DEPTOR: variants seen among roughly 807,000 people sequenced by gnomAD.
The protein encoded by DEPTOR is DEP domain containing MTOR interacting protein.
DEPTOR carries 41 observed loss-of-function variants against 41.6 expected under a neutral mutation model. The observed-to-expected ratio is 0.98, with a 90% CI of 0.77 to 1.28. The LOEUF is 1.28. DEPTOR is among the 50% of genes most tolerant of loss of function. The probability of loss-of-function intolerance (pLI) is 0.00; values close to 1 mark genes in which losing one functional copy is unlikely to be tolerated. For synonymous variants in DEPTOR, 195 were observed against 192.3 expected, an observed-to-expected ratio of 1.01 and a Z score of -0.12; for missense variants, 514 against 527.9, an observed-to-expected ratio of 0.97 and a Z score of 0.26.
intron 4 of DEPTOR, among the ~76,000 whole-genome samples, chr8:119,987,621 C>T (rs56337004): frequency 2.2e-3 from 341 of 152,262 alleles, no homozygotes; most frequent in African/African-American, 7.8e-3. Flanking sequence ...TCTGCTGAAG[C>T]GGCGCCAACA....
intron 1 of DEPTOR, among the ~76,000 whole-genome samples, chr8:119,912,840 T>C (rs546228795): frequency 6.6e-6 from 1 of 152,216 alleles, no homozygotes; most frequent in Non-Finnish European, 1.5e-5. Context: ...TTTGATCTTG[T>C]GTGTGAGGAT....
intron 8 of DEPTOR, among the ~76,000 whole-genome samples, chr8:120,035,074 T>C (rs1208246707): frequency 6.6e-6 from 1 of 152,056 alleles, no homozygotes; most frequent in East Asian, 1.9e-4. Context: ...TTCTAGCACT[T>C]TGGGAGGCCG....
At position 120,002,230 on chromosome 8, in the gene DEPTOR, C is replaced by T. The variant is rs111886633; in HGVS notation, c.790+520C>T. On this transcript the variant is annotated intron_variant, in intron 5 of 8. Coordinates refer to ENST00000286234, the MANE Select transcript of DEPTOR (RefSeq NM_022783.4). The stretch of plus-strand genomic sequence containing the variant: ...TCTTGGCTCACCACAACTTCTGTCT[C>T]CCGGGTTCAAGAGACTCTCCTGCCT... Among the ~76,000 whole-genome samples, 291 of 152,260 alleles carry T rather than the reference C, an allele frequency of 1.9e-3. 2 individuals carry two copies. Among genetic ancestry groups the T allele is most frequent in the African/African-American group, 6.3e-3 (263 of 41,562 alleles).
chr8:119,900,309 G>A (rs538975674), intron 1 of DEPTOR, among the ~76,000 whole-genome samples: 2 of 117,732 alleles, frequency 1.7e-5, no homozygotes, highest in Non-Finnish European at 3.3e-5. Context: ...GGGCAACAGA[G>A]CGAGGCTCCA....
At chr8:120,000,065 G>A (rs187667599) in intron 4 of DEPTOR, among the ~76,000 whole-genome samples, 1 of 152,104 alleles carries the variant, frequency 6.6e-6, no homozygotes, top group East Asian at 1.9e-4. Flanking sequence ...TATGTAAGGG[G>A]TTACCATTGG....
intron 3 of DEPTOR, among the ~76,000 whole-genome samples, chr8:119,934,017 C>G (rs1828078446): frequency 6.6e-6 from 1 of 152,138 alleles, no homozygotes; most frequent in Admixed American, 6.6e-5. Flanking sequence ...GTAGCTGGGA[C>G]TACAGGCGTG....
chr8:119,900,356 A>ATTGTCT (rs1827572863), intron 1 of DEPTOR, among the ~76,000 whole-genome samples: 1 of 104,644 alleles, frequency 9.6e-6, no homozygotes, highest in South Asian at 3.4e-4. Flanking sequence ...AAAAAAAACT[A>ATTGTCT]AATGTCTATT....
At chr8:120,047,010 A>G (rs1813162697) in intron 8 of DEPTOR, among the ~76,000 whole-genome samples, 1 of 152,148 alleles carries the variant, frequency 6.6e-6, no homozygotes, top group South Asian at 2.1e-4. Context: ...CAGAGAAGCC[A>G]GAGTCTGGGT....
intron 8 of DEPTOR, among the ~76,000 whole-genome samples, chr8:120,016,062 A>G (rs1447847674): frequency 6.6e-6 from 1 of 152,118 alleles, no homozygotes; most frequent in Non-Finnish European, 1.5e-5. Context: ...GAGCTGCTTT[A>G]AAAACAAAAA....
intron 2 of DEPTOR, 37 bp from the exon 3 acceptor site, chr8:119,929,778 T>C: frequency 3.2e-6 from 5 of 1,565,274 alleles, no homozygotes; most frequent in Non-Finnish European, 4.3e-6. Context: ...GAGCGATTTT[T>C]TTTCTCATTT....
chr8:119,933,500 A>ACACACACACAC (rs35710269), intron 3 of DEPTOR, among the ~76,000 whole-genome samples: 1 of 147,060 alleles, frequency 6.8e-6, no homozygotes, highest in African/African-American at 2.6e-5. Context: ...ACACACACAC[A>ACACACACACAC]ATGTTTATTA....
intron 1 of DEPTOR, among the ~76,000 whole-genome samples, chr8:119,920,031 C>T (rs1374004267): frequency 6.6e-6 from 1 of 152,084 alleles, no homozygotes; most frequent in Non-Finnish European, 1.5e-5. Context: ...AGGAATAGAA[C>T]ATTACAGAAT....
chr8:120,047,755 A>T lies in DEPTOR; in HGVS notation c.1102-1821A>T, dbSNP rs573786568. On this transcript the variant is annotated intron_variant, in intron 8 of 8. Transcript: ENST00000286234. Reference sequence around the variant, plus strand: ...AGGACACACAATTGTGGTTAAGACTAAATGCTGAGGCCAAGTGTGGTGGCT... The same window carrying T: ...AGGACACACAATTGTGGTTAAGACTTAATGCTGAGGCCAAGTGTGGTGGCT... Among the ~76,000 whole-genome samples the T allele has an allele frequency of 1.6e-4, 24 of 152,276 alleles. No homozygotes were observed. The South Asian group carries it at 4.8e-3, about 30-fold the overall frequency.
intron 2 of DEPTOR, 22 bp downstream of exon 2, chr8:119,928,600 G>A (rs775250669): frequency 1.2e-6 from 2 of 1,605,888 alleles, no homozygotes; most frequent in Non-Finnish European, 8.5e-7. Context: ...GGCGAGTCAA[G>A]GTGACTTGAG....
At chr8:119,977,329 C>T (rs1425410256) in intron 4 of DEPTOR, among the ~76,000 whole-genome samples, 3 of 151,744 alleles carry the variant, frequency 2.0e-5, no homozygotes, top group Admixed American at 6.6e-5. Context: ...TAGATGAAGA[C>T]GTTGAGGCAT....
At chr8:119,938,951 C>CTCTCTT (rs1176075817) in intron 3 of DEPTOR, among the ~76,000 whole-genome samples, 3 of 144,032 alleles carry the variant, frequency 2.1e-5, no homozygotes, top group African/African-American at 8.4e-5. Context: ...CTTGCTCTCT[C>CTCTCTT]TCTCTCTCTC....
intron 3 of DEPTOR, among the ~76,000 whole-genome samples, chr8:119,941,788 C>T (rs1364234203): frequency 6.6e-6 from 1 of 152,210 alleles, no homozygotes; most frequent in Non-Finnish European, 1.5e-5. Flanking sequence ...GTTTAGCTAA[C>T]TTGCCTAAAT....
intron 1 of DEPTOR, among the ~76,000 whole-genome samples, chr8:119,875,865 C>A (rs1350644268): frequency 6.6e-6 from 1 of 152,110 alleles, no homozygotes; most frequent in African/African-American, 2.4e-5. Context: ...TAAGACTTGT[C>A]CAGTTTTGGG....
chr8:119,896,443 A>T (rs1293911092), intron 1 of DEPTOR, among the ~76,000 whole-genome samples: 1 of 152,100 alleles, frequency 6.6e-6, no homozygotes, highest in Non-Finnish European at 1.5e-5. Flanking sequence ...TGCCCCAGCT[A>T]TTGTGGACAT....
Sources: allele counts gnomAD v4.1 joint callset (sites outside exome capture counted in the v4.1 genomes callset), GRCh38; gene constraint gnomAD v4.1.1; transcripts MANE v1.5; gene names NCBI Gene and HGNC (gene_info 2026-07-23, HGNC 2026-07-21).